The following RAD51B variants were observed in gnomAD, a reference collection of about 807,000 sequenced individuals.
The protein encoded by RAD51B is RAD51 paralog B, also known as DNA repair protein RAD51 homolog 2.
A neutral mutation model predicts 42.2 loss-of-function variants in RAD51B; 38 were observed. The ratio of observed to expected loss-of-function variants is 0.90; its 90% CI spans 0.70 to 1.18. RAD51B has a LOEUF of 1.18. Among genes scored for constraint, RAD51B ranks in the 50% most tolerant of loss-of-function variants. The pLI, the probability that RAD51B is intolerant of heterozygous loss-of-function variation, is 0.00. For synonymous variants in RAD51B, 154 were observed against 145.2 expected (o/e 1.06, Z -0.43); for missense variants, 373 against 400.7 (o/e 0.93, Z 0.59).
At chr14:68,562,180 A>T in intron 10 of RAD51B, 1 of 985,342 alleles carries the variant, frequency 1.0e-6, no homozygotes, top group African/African-American at 1.7e-5. Flanking sequence ...CAACGCATCA[A>T]ATTTTCTCTC....
At chr14:68,371,300 C>T (rs746452827) in intron 8 of RAD51B, among the ~76,000 whole-genome samples, 1 of 152,004 alleles carries the variant, frequency 6.6e-6, no homozygotes, top group Non-Finnish European at 1.5e-5. Flanking sequence ...AGGCAGATCA[C>T]AAGGTCAAGA....
chr14:68,518,110 G>A (rs928364206), intron 10 of RAD51B, among the ~76,000 whole-genome samples: 7 of 152,202 alleles, frequency 4.6e-5, no homozygotes, highest in African/African-American at 1.2e-4. Flanking sequence ...AGAAGGCAGC[G>A]TTTGTTCAAA....
intron 7 of RAD51B, among the ~76,000 whole-genome samples, chr14:68,074,013 C>T (rs910833964): frequency 1.3e-5 from 2 of 152,048 alleles, no homozygotes; most frequent in South Asian, 4.2e-4. Context: ...TGGGGATGGT[C>T]ATGTTGTATA....
intron 10 of RAD51B, among the ~76,000 whole-genome samples, chr14:68,520,462 T>A (rs2525512): frequency 0.98 from 149,030 of 152,342 alleles, 72,998 homozygotes; most frequent in East Asian, 1. Flanking sequence ...AGCTTGTAGC[T>A]GTTTGCTAAG....
chr14:68,285,837 G>T (rs76262340), intron 7 of RAD51B, among the ~76,000 whole-genome samples: 1 of 152,084 alleles, frequency 6.6e-6, no homozygotes, highest in Non-Finnish European at 1.5e-5. Flanking sequence ...TCCCGTGGGC[G>T]CCGGAAATGA....
intron 9 of RAD51B, among the ~76,000 whole-genome samples, chr14:68,465,248 A>G (rs924996293): frequency 1.3e-5 from 2 of 152,120 alleles, no homozygotes; most frequent in East Asian, 1.9e-4. Flanking sequence ...TTTTACTGCT[A>G]TTTGATCTAA....
At chr14:68,203,952 A>G (rs999266394) in intron 7 of RAD51B, among the ~76,000 whole-genome samples, 10 of 152,244 alleles carry the variant, frequency 6.6e-5, no homozygotes, top group African/African-American at 2.4e-4. Flanking sequence ...GCTTAAGGGA[A>G]TGTTGTGGCT....
At chr14:68,350,812 T>C (rs2082771167) in intron 8 of RAD51B, among the ~76,000 whole-genome samples, 3 of 152,178 alleles carry the variant, frequency 2.0e-5, no homozygotes, top group Admixed American at 2.0e-4. Flanking sequence ...TCATTCACCA[T>C]TTTAGATAGT....
intron 7 of RAD51B, among the ~76,000 whole-genome samples, chr14:68,009,194 A>G (rs1009715197): frequency 1.3e-5 from 2 of 151,858 alleles, no homozygotes; most frequent in African/African-American, 2.4e-5. Flanking sequence ...TATCATACTG[A>G]TTAGGGGTGT....
chr14:67,998,128 G>T (rs981982125), intron 7 of RAD51B, among the ~76,000 whole-genome samples: 53 of 152,142 alleles, frequency 3.5e-4, no homozygotes, highest in African/African-American at 1.3e-3. Context: ...AGCAATCTGT[G>T]TTTTAATACA....
chr14:68,656,619 G>A (rs554703718), intron 11 of RAD51B, among the ~76,000 whole-genome samples: 12 of 152,308 alleles, frequency 7.9e-5, no homozygotes, highest in African/African-American at 2.9e-4. Flanking sequence ...CTGGCCCAGA[G>A]CTCGCTCTCA....
intron 5 of RAD51B, among the ~76,000 whole-genome samples, chr14:67,884,715 A>T (rs2140048454): frequency 6.6e-6 from 1 of 151,844 alleles, no homozygotes; most frequent in Admixed American, 6.6e-5. Context: ...CTCACTCTTC[A>T]CACCTCTTTT....
At chr14:68,079,844 TG>T (rs1481619765) in intron 7 of RAD51B, among the ~76,000 whole-genome samples, 7 of 152,222 alleles carry the variant, frequency 4.6e-5, no homozygotes, top group Non-Finnish European at 7.3e-5. Flanking sequence ...CTCTTGTACT[TG>T]GTCTCACAGG....
exon 11 of RAD51B, chr14:68,594,667 G>T (rs1294408859): frequency 1.6e-6 from 2 of 1,278,448 alleles, no homozygotes; most frequent in African/African-American, 1.5e-5. Context: ...GGCTTCAAGA[G>T]ATCCACCCAC....
intron 10 of RAD51B, chr14:68,563,284 C>A: frequency 1.0e-6 from 1 of 985,408 alleles, no homozygotes; most frequent in Non-Finnish European, 1.2e-6. Context: ...TGGGCCAAGC[C>A]GAGCCTGCAA....
rs1335696864 is a variant in RAD51B, at chr14:67,835,197, G to T, written c.315+1G>T. On this transcript the variant is annotated splice_donor_variant, in intron 4 of 10. Coordinates refer to ENST00000471583, the MANE Select transcript of RAD51B (RefSeq NM_133510.4). LOFTEE classifies it high-confidence loss of function. ...TGTGGCTTGTGGATCCCTCACAGAG[G>T]TAAAGGAAAAATTTTTCGTACCTTC... The T allele has an allele frequency of 6.2e-7, 1 of 1,607,830 alleles. No individual in the cohort carries two copies. Among genetic ancestry groups the T allele is most frequent in the African/African-American group, 1.3e-5 (1 of 74,734 alleles).
chr14:68,299,045 G>T (rs2081667677), intron 8 of RAD51B, among the ~76,000 whole-genome samples: 2 of 151,910 alleles, frequency 1.3e-5, no homozygotes, highest in South Asian at 4.2e-4. Flanking sequence ...TTCCAAAACT[G>T]CATGTTTAAT....
intron 10 of RAD51B, among the ~76,000 whole-genome samples, chr14:68,645,825 T>A (rs983935957): frequency 6.6e-6 from 1 of 152,216 alleles, no homozygotes; most frequent in African/African-American, 2.4e-5. Flanking sequence ...TTTCTTTCAA[T>A]ATTTTTGCTA....
chr14:68,613,637 G>A (rs1891759808), downstream of RAD51B, among the ~76,000 whole-genome samples: 1 of 151,884 alleles, frequency 6.6e-6, no homozygotes, highest in Non-Finnish European at 1.5e-5. Context: ...TGTATTTTTA[G>A]TAGAGATGGG....
Sources: gnomAD v4.1 joint callset for allele counts (sites outside exome capture counted in the v4.1 genomes callset) on GRCh38, gnomAD v4.1.1 for gene constraint, MANE v1.5 for transcripts, NCBI Gene and HGNC (gene_info 2026-07-23, HGNC 2026-07-21) for gene names.